Variants in TSHR observed in about 807,000 individuals in gnomAD.
TSHR encodes the protein thyroid stimulating hormone receptor, also known as thyrotropin receptor.
TSHR carries 51 observed loss-of-function variants against 64.1 expected under a neutral mutation model. That is an observed-to-expected ratio of 0.80 (90% confidence interval 0.64 to 1.01). The LOEUF is 1.01. TSHR is among the 50% of genes least tolerant of loss of function. The probability of loss-of-function intolerance (pLI) is 0.00; values close to 1 mark genes in which losing one functional copy is unlikely to be tolerated. For missense variants in TSHR, 877 were observed against 942.8 expected (o/e 0.93, Z 0.91); for synonymous variants, 361 against 361.9 (o/e 1.00, Z 0.03).
In TSHR at chr14:81,143,574, G is replaced by T. The variant is rs762048531; in HGVS notation, c.1516G>T (p.Glu506Ter). 16 of 1,613,106 alleles carry T rather than the reference G, an allele frequency of 9.9e-6. No homozygotes were observed. Among genetic ancestry groups the T allele is most frequent in the African/African-American group, 1.3e-5 (1 of 74,900 alleles). Residue 506 changes from glutamate to a stop codon, truncating the protein, a stop_gained, in exon 10 of 10, where the codon GAG (glutamate) becomes TAG (stop). Transcript: ENST00000298171. LOFTEE classifies it high-confidence loss of function. ...TGGTTTCTTCACTGTCTTTGCAAGC[G>T]AGTTATCGGTGTATACGCTGACGGT... is the stretch of plus-strand genomic sequence containing the variant. ...TAGFFTVFAS[E>*]LSVYTLTVIT...
intron 1 of TSHR, among the ~76,000 whole-genome samples, chr14:81,009,778 C>T (rs929964744): frequency 2.0e-5 from 3 of 151,842 alleles, no homozygotes; most frequent in Non-Finnish European, 1.5e-5. Context: ...ATCCATTTCC[C>T]CTATGATGAG....
intron 1 of TSHR, among the ~76,000 whole-genome samples, chr14:80,973,408 A>G (rs1462939667): frequency 2.1e-5 from 2 of 93,628 alleles, no homozygotes; most frequent in African/African-American, 6.1e-5. Context: ...TGTCTCAAAA[A>G]AAAAAAAAAA....
At chr14:81,050,580 T>C (rs1037204829) in intron 1 of TSHR, 1 of 152,218 alleles carries the variant, frequency 6.6e-6, no homozygotes, top group African/African-American at 2.4e-5. Flanking sequence ...CCTAACATTG[T>C]TATAAGTGCT....
intron 1 of TSHR, among the ~76,000 whole-genome samples, chr14:80,990,464 C>T (rs1046476569): frequency 2.6e-5 from 4 of 152,214 alleles, no homozygotes; most frequent in African/African-American, 4.8e-5. Flanking sequence ...ATTCCATGCC[C>T]TGCGGGAAGG....
chr14:81,037,331 AAAAAAAAATCAAAGTTTATCACTAC>A (rs924563055), intron 1 of TSHR, among the ~76,000 whole-genome samples: 1 of 86,714 alleles, frequency 1.2e-5, no homozygotes, highest in Non-Finnish European at 2.6e-5. Context: ...ATGAAAAAGA[AAAAAAAAATCAAAGTTTATCACTAC>A]AAAAAAAATC....
intron 1 of TSHR, among the ~76,000 whole-genome samples, chr14:80,971,091 T>C (rs186114239): frequency 6.6e-6 from 1 of 152,274 alleles, no homozygotes; most frequent in East Asian, 1.9e-4. Flanking sequence ...CCCAAAGTGC[T>C]GGGATTACAA....
At chr14:81,142,215 G>C (rs1891719302) in intron 9 of TSHR, among the ~76,000 whole-genome samples, 1 of 152,128 alleles carries the variant, frequency 6.6e-6, no homozygotes, top group Non-Finnish European at 1.5e-5. Flanking sequence ...CAAGTAGCTG[G>C]AATTACAGGC....
rs193178411 is a variant in TSHR, at chr14:81,104,578, C to A, written c.615-3797C>A. Reference sequence around the variant, plus strand: ...CCAACAATCAGGCTTTCATTCCTTCCTCCAGCAAGTCTTTACTGAATGGCC... The same window carrying A: ...CCAACAATCAGGCTTTCATTCCTTCATCCAGCAAGTCTTTACTGAATGGCC... On this transcript the variant is annotated intron_variant, in intron 7 of 9. Coordinates refer to ENST00000298171, the MANE Select transcript of TSHR (RefSeq NM_000369.5). 2.0e-6 allele frequency: 2 copies of A among 985,292 alleles called. 1 individual carries two copies. Among genetic ancestry groups the A allele is most frequent in the South Asian group, 9.4e-5 (2 of 21,290 alleles). The allele number at this position is 985,292 out of a possible 1,614,324, so 61.0% of individuals were successfully genotyped here.
chr14:81,116,428 CAAAG>C (rs1395285322), intron 8 of TSHR, among the ~76,000 whole-genome samples: 1 of 118,388 alleles, frequency 8.4e-6, no homozygotes, highest in Non-Finnish European at 1.7e-5. Flanking sequence ...TCAAAAGAGA[CAAAG>C]AAGGCCATTA....
intron 1 of TSHR, chr14:81,032,606 G>T: frequency 2.2e-6 from 1 of 448,866 alleles, no homozygotes; most frequent in Admixed American, 2.6e-5. Flanking sequence ...TGCACCTCAG[G>T]TTGTTTGAAC....
chr14:81,001,360 T>C (rs1002334968), intron 1 of TSHR: 2 of 340,944 alleles, frequency 5.9e-6, no homozygotes, highest in African/African-American at 2.1e-5. Context: ...GTAAGGATCA[T>C]CTTGATGTGG....
rs150822719 is a variant in TSHR, at chr14:81,103,385, T to C, written c.615-4990T>C. The C allele has an allele frequency of 3.7e-4, 360 of 985,460 alleles. No individual in the cohort carries two copies. The highest frequency in any genetic ancestry group is 4.3e-4 in the Non-Finnish European group (353 of 829,936). 61.0% of individuals were successfully genotyped at this position (985,460 alleles called of 1,614,324 possible). ...TATCATTAGGTTCTCATTTAAACAA[T>C]GTGTCATCCAAAAGAGCAATCATCC... is the stretch of plus-strand genomic sequence containing the variant. On this transcript the variant is annotated intron_variant, in intron 7 of 9. Transcript: ENST00000298171. The surrounding 1 kb of genome is among the most constrained non-coding windows in gnomAD (Gnocchi z 4.1).
At chr14:81,126,689 T>C (rs1891034113) in intron 8 of TSHR, among the ~76,000 whole-genome samples, 1 of 152,222 alleles carries the variant, frequency 6.6e-6, no homozygotes, top group South Asian at 2.1e-4. Context: ...ATTAACTAAT[T>C]ATCCCTCTTT....
chr14:80,999,501 G>T (rs7149900), intron 1 of TSHR, among the ~76,000 whole-genome samples: 20,631 of 152,180 alleles, frequency 0.14, 1,736 homozygotes, highest in East Asian at 0.38. Context: ...TTATCTAACA[G>T]ATTTGCTCTT....
At chr14:81,141,803 A>G (rs2140106100) in intron 9 of TSHR, among the ~76,000 whole-genome samples, 1 of 152,332 alleles carries the variant, frequency 6.6e-6, no homozygotes, top group South Asian at 2.1e-4. Flanking sequence ...AATAATGATG[A>G]GTAGAGGCAG....
At chr14:81,105,673 T>C (rs1035541482) in intron 7 of TSHR, among the ~76,000 whole-genome samples, 10 of 152,200 alleles carry the variant, frequency 6.6e-5, no homozygotes, top group Non-Finnish European at 1.5e-4. Context: ...AAATATCAGA[T>C]GAAAACACTG....
At chr14:81,005,750 G>A (rs1889567675) in intron 1 of TSHR, among the ~76,000 whole-genome samples, 1 of 152,132 alleles carries the variant, frequency 6.6e-6, no homozygotes, top group Admixed American at 6.6e-5. Flanking sequence ...GAAGTTTTCG[G>A]GTATGACGTC....
chr14:81,068,555 G>T (rs1330333688), intron 3 of TSHR: 4 of 514,920 alleles, frequency 7.8e-6, no homozygotes, highest in Non-Finnish European at 1.4e-5. Flanking sequence ...TTCTGTTCTT[G>T]AACCACTATC....
intron 1 of TSHR, among the ~76,000 whole-genome samples, chr14:80,984,090 C>G (rs11850866): frequency 0.055 from 8,377 of 152,018 alleles, 737 homozygotes; most frequent in African/African-American, 0.19. Context: ...TGAGTGTGCA[C>G]GTGTATACCC....
Sources: allele counts gnomAD v4.1 joint callset (sites outside exome capture counted in the v4.1 genomes callset), GRCh38; gene constraint gnomAD v4.1.1; non-coding constraint Gnocchi (gnomAD v3.1); transcripts MANE v1.5; gene names NCBI Gene and HGNC (gene_info 2026-07-23, HGNC 2026-07-21).